Variants in ABCA1 observed in about 807,000 individuals in gnomAD.
The protein encoded by ABCA1 is phospholipid-transporting ATPase ABCA1.
ABCA1 carries 133 observed loss-of-function variants against 262.5 expected under a neutral mutation model. That is an observed-to-expected ratio of 0.51 (90% CI 0.44 to 0.59). The LOEUF is 0.59. Among genes scored for constraint, ABCA1 ranks in the 20% least tolerant of loss-of-function variants. The pLI, the probability that ABCA1 is intolerant of heterozygous loss-of-function variation, is 0.00. For synonymous variants in ABCA1, 1,022 were observed against 1,043.5 expected, an observed-to-expected ratio of 0.98 and a Z score of 0.40; for missense variants, 2,452 against 2,777.5, an observed-to-expected ratio of 0.88 and a Z score of 2.63.
chr9:104,912,929 A>C (rs961294946), intron 1 of ABCA1, among the ~76,000 whole-genome samples: 2 of 152,232 alleles, frequency 1.3e-5, no homozygotes, highest in Non-Finnish European at 2.9e-5. Context: ...AAACACAAGC[A>C]GGCAAGCCTC....
chr9:104,817,553 G>A lies in ABCA1; in HGVS notation c.3463-149C>T. On this transcript the variant is annotated intron_variant, in intron 23 of 49. Transcript: ENST00000374736. This position sits in a 1 kb window ranked among gnomAD's most constrained non-coding sequence, Gnocchi z 4.7. ...TGGGACACATGCACTGGCAGCCGTG[G>A]CTTCAGAGGACCCTGTCTGGCATGT... is the stretch of plus-strand genomic sequence containing the variant. 1.2e-6 allele frequency: 1 copy of A among 833,430 alleles called. No homozygotes were observed. The allele number at this position is 833,430 out of a possible 1,614,324, so 51.6% of individuals were successfully genotyped here.
chr9:104,831,211 ATTTTTGTATCTTTTTTTT>A, intron 13 of ABCA1, 110 bp from the exon 14 acceptor site: 1 of 1,058,310 alleles, frequency 9.4e-7, no homozygotes, highest in Non-Finnish European at 1.3e-6. Flanking sequence ...CCCTTTTTCT[ATTTTTGTATCTTTTTTTT>A]TTTTTGAGAT....
At chr9:104,842,400 G>A (rs1224786354) in intron 8 of ABCA1, among the ~76,000 whole-genome samples, 1 of 152,050 alleles carries the variant, frequency 6.6e-6, no homozygotes, top group South Asian at 2.1e-4. Flanking sequence ...TCTTTCCACA[G>A]GCAGCCTCAC....
chr9:104,793,111 C>G (rs1829571754), intron 41 of ABCA1, 60 bp downstream of exon 41: 23 of 1,609,416 alleles, frequency 1.4e-5, no homozygotes, highest in Non-Finnish European at 2.0e-5. Flanking sequence ...GAGTGTTTCC[C>G]TGTGCGCCTC....
At chr9:104,829,597 G>A (rs1228306273) in intron 14 of ABCA1, among the ~76,000 whole-genome samples, 1 of 152,150 alleles carries the variant, frequency 6.6e-6, no homozygotes, top group Non-Finnish European at 1.5e-5. Flanking sequence ...AAATGCAGAT[G>A]TGCAAAGTAA....
intron 5 of ABCA1, among the ~76,000 whole-genome samples, chr9:104,877,592 A>G (rs1036761056): frequency 1.3e-5 from 2 of 152,292 alleles, no homozygotes; most frequent in South Asian, 4.1e-4. Context: ...AAGGCCAAAC[A>G]GTCAGCCAGG....
chr9:104,868,053 C>T lies in ABCA1; in HGVS notation c.422-6253G>A, dbSNP rs1340571994. Among the ~76,000 whole-genome samples, 4 of 152,162 alleles carry T rather than the reference C, an allele frequency of 2.6e-5. No individual in the cohort carries two copies. The South Asian group carries it at 8.3e-4, about 32-fold the overall frequency. ...GTGTAATCATGAAGCTATACTTTCC[C>T]CCCTATTTAAATCTCCCTAAGCCTC... On this transcript the variant is annotated intron_variant, in intron 5 of 49. Coordinates refer to ENST00000374736, the MANE Select transcript of ABCA1 (RefSeq NM_005502.4).
chr9:104,882,450 A>C (rs573718445), intron 5 of ABCA1, among the ~76,000 whole-genome samples: 1 of 152,342 alleles, frequency 6.6e-6, no homozygotes, highest in South Asian at 2.1e-4. Context: ...CCAATGCCTC[A>C]GTCAGAAAAT....
At chr9:104,868,758 G>A (rs115404932) in intron 5 of ABCA1, among the ~76,000 whole-genome samples, 1,527 of 152,300 alleles carry the variant, frequency 0.01, 31 homozygotes, top group African/African-American at 0.035. Context: ...TGGAAGAAAC[G>A]AAGCAGAACC....
At chr9:104,923,445 G>A (rs1011274710) in intron 1 of ABCA1, among the ~76,000 whole-genome samples, 1 of 152,154 alleles carries the variant, frequency 6.6e-6, no homozygotes, top group African/African-American at 2.4e-5. Flanking sequence ...CAATCCCTAC[G>A]CAACCAAGGT....
At chr9:104,907,718 A>T (rs1841252024) in intron 1 of ABCA1, among the ~76,000 whole-genome samples, 1 of 152,154 alleles carries the variant, frequency 6.6e-6, no homozygotes, top group African/African-American at 2.4e-5. Flanking sequence ...ACGTAATAGA[A>T]TCTAAGTCTG....
chr9:104,889,306 C>A, intron 2 of ABCA1, 111 bp from the exon 3 acceptor site: 6 of 1,534,218 alleles, frequency 3.9e-6, no homozygotes, highest in Non-Finnish European at 5.3e-6. Flanking sequence ...TAATCAACTT[C>A]TCCAGTCTCT....
At chr9:104,905,608 G>T (rs1345606984) in intron 1 of ABCA1, among the ~76,000 whole-genome samples, 1 of 152,236 alleles carries the variant, frequency 6.6e-6, no homozygotes, top group East Asian at 1.9e-4. Flanking sequence ...GCATCAGTTT[G>T]TTCAAAGATG....
intron 43 of ABCA1, 58 bp from the exon 44 acceptor site, chr9:104,791,086 C>T: frequency 8.2e-7 from 1 of 1,218,242 alleles, no homozygotes. Flanking sequence ...TATAAATGCC[C>T]CTAACACGTA....
chr9:104,837,222 G>T (rs1269249823), intron 10 of ABCA1, 126 bp from the exon 11 acceptor site: 5 of 1,052,708 alleles, frequency 4.7e-6, no homozygotes, highest in African/African-American at 4.7e-5. Context: ...CCATCCCCAA[G>T]AAATGCCTGC....
At chr9:104,865,203 C>T (rs1836979907) in intron 5 of ABCA1, among the ~76,000 whole-genome samples, 1 of 152,008 alleles carries the variant, frequency 6.6e-6, no homozygotes, top group Non-Finnish European at 1.5e-5. Context: ...TCACAAAAAT[C>T]CCAAAGCCCA....
At chr9:104,927,911 G>C (rs1453588129) in intron 1 of ABCA1, 24 bp downstream of exon 1, 1 of 152,298 alleles carries the variant, frequency 6.6e-6, no homozygotes, top group Non-Finnish European at 1.5e-5. Context: ...TAACGCCCAA[G>C]TAAGTCACTG....
chr9:104,806,579 C>CT, intron 30 of ABCA1, 149 bp from the exon 31 acceptor site: 1 of 765,964 alleles, frequency 1.3e-6, no homozygotes, highest in Non-Finnish European at 2.2e-6. Flanking sequence ...CATTTGATTG[C>CT]TTGATCCCAC....
chr9:104,865,327 T>C (rs1836991660), intron 5 of ABCA1, among the ~76,000 whole-genome samples: 1 of 151,968 alleles, frequency 6.6e-6, no homozygotes, highest in East Asian at 1.9e-4. Context: ...GAGTTTGAGA[T>C]CAGCCTGGTG....
Sources: gnomAD v4.1 joint callset for allele counts (sites outside exome capture counted in the v4.1 genomes callset) on GRCh38, gnomAD v4.1.1 for gene constraint, Gnocchi (gnomAD v3.1) non-coding constraint, MANE v1.5 for transcripts, NCBI Gene and HGNC (gene_info 2026-07-23, HGNC 2026-07-21) for gene names.